Variants in PTPRK observed in about 807,000 individuals in gnomAD.
The protein encoded by PTPRK is receptor-type tyrosine-protein phosphatase kappa.
In PTPRK, 75 loss-of-function variants were observed where a neutral mutation model predicts 178.0. The ratio of observed to expected loss-of-function variants is 0.42; its 90% CI spans 0.35 to 0.51. PTPRK has a LOEUF of 0.51. PTPRK is among the 20% of genes least tolerant of loss of function. The pLI is 0.02. For missense variants in PTPRK, 1,441 were observed against 1,797.8 expected (o/e 0.80, Z 3.59); for synonymous variants, 637 against 620.6 (o/e 1.03, Z -0.39).
intron 3 of PTPRK, among the ~76,000 whole-genome samples, chr6:128,263,432 C>T (rs1397237415): frequency 2.0e-5 from 3 of 152,176 alleles, no homozygotes; most frequent in Middle Eastern, 3.4e-3. Flanking sequence ...GGTAGAAATG[C>T]TCTCACCATG....
rs565551093 is a variant in PTPRK at position 128,294,037 on chromosome 6, C to CT, written c.495+28001dup. ...TGATTCTTTTTTCTTTTAATCTTTG[C>CT]TTTTTTTATACTTCCCCATCTCCAT... On this transcript the variant is annotated intron_variant, in intron 3 of 29. Coordinates refer to ENST00000368226, the MANE Select transcript of PTPRK (RefSeq NM_002844.4). Among the ~76,000 whole-genome samples the CT allele has an allele frequency of 2.1e-3, 313 of 152,042 alleles. 2 individuals are homozygous for CT. The highest frequency in any genetic ancestry group is 6.9e-3 in the African/African-American group (288 of 41,522).
chr6:128,067,363 G>T, intron 12 of PTPRK, 156 bp downstream of exon 12: 1 of 715,296 alleles, frequency 1.4e-6, no homozygotes, highest in Non-Finnish European at 2.0e-6. Flanking sequence ...CCCTACTGTA[G>T]CCCCAAAACT....
In PTPRK at chr6:128,520,416, C is replaced by T; in HGVS notation, c.-58G>A. On this transcript the variant is annotated 5_prime_UTR_variant, in exon 1 of 30. Coordinates refer to ENST00000368226, the MANE Select transcript of PTPRK (RefSeq NM_002844.4). ...CAAAGAGCTGCCGGGGGGATCGCCG[C>T]GAAATCCACGACGGAGGAGCGGGCC... 4 of 1,510,494 alleles carry T rather than the reference C, an allele frequency of 2.6e-6. No individual in the cohort carries two copies. In the South Asian group the frequency reaches 4.8e-5, roughly 18 times the overall value. The allele number at this position is 1,510,494 out of a possible 1,614,324, so 93.6% of individuals were successfully genotyped here.
intron 13 of PTPRK, among the ~76,000 whole-genome samples, chr6:128,021,567 G>A (rs1270790271): frequency 2.6e-5 from 4 of 152,228 alleles, no homozygotes; most frequent in Non-Finnish European, 4.4e-5. Context: ...GTGAACCCGG[G>A]AGGCGGAGCT....
At chr6:128,335,803 G>T (rs1028903353) in intron 2 of PTPRK, among the ~76,000 whole-genome samples, 2 of 151,922 alleles carry the variant, frequency 1.3e-5, no homozygotes, top group African/African-American at 4.8e-5. Flanking sequence ...AAAAAAACCT[G>T]AAACCCTTGT....
chr6:128,374,837 A>G (rs1479668965), intron 2 of PTPRK, among the ~76,000 whole-genome samples: 1 of 151,996 alleles, frequency 6.6e-6, no homozygotes, highest in Non-Finnish European at 1.5e-5. Flanking sequence ...TCAGTCCCCT[A>G]TTACTACTCT....
At chr6:128,361,781 T>C (rs995417861) in intron 2 of PTPRK, among the ~76,000 whole-genome samples, 5 of 152,178 alleles carry the variant, frequency 3.3e-5, no homozygotes, top group Admixed American at 6.5e-5. Context: ...ACGCAGTCTA[T>C]CATTGACCAA....
rs1828109089 is a variant in PTPRK, at chr6:128,317,082, C to A, written c.495+4957G>T. 1.3e-5 allele frequency among the ~76,000 whole-genome samples: 2 copies of A among 152,040 alleles called. 1 individual carries two copies. Among genetic ancestry groups the A allele is most frequent in the Admixed American group, 1.3e-4 (2 of 15,240 alleles). On this transcript the variant is annotated intron_variant, in intron 3 of 29. Coordinates refer to ENST00000368226, the MANE Select transcript of PTPRK (RefSeq NM_002844.4). ...GCCACGATGACCGTGTTAGGTAAATCCTGTTGCCGTAACTAAAATAAGTCT... is the reference window on the plus strand; with the variant it reads ...GCCACGATGACCGTGTTAGGTAAATACTGTTGCCGTAACTAAAATAAGTCT...
intron 21 of PTPRK, 105 bp downstream of exon 21, chr6:127,990,664 G>A: frequency 1.4e-6 from 1 of 711,890 alleles, no homozygotes; most frequent in Non-Finnish European, 2.4e-6. Context: ...ATGAATACAT[G>A]AATGAATGGA....
At chr6:128,343,214 A>G (rs1443029013) in intron 2 of PTPRK, among the ~76,000 whole-genome samples, 2 of 152,134 alleles carry the variant, frequency 1.3e-5, no homozygotes, top group African/African-American at 2.4e-5. Context: ...GAAAATAAAA[A>G]AGAATCAGCC....
At chr6:128,487,557 C>A (rs1268323077) in intron 1 of PTPRK, among the ~76,000 whole-genome samples, 1 of 151,926 alleles carries the variant, frequency 6.6e-6, no homozygotes, top group Non-Finnish European at 1.5e-5. Context: ...CCTAAAGAGC[C>A]TCATTCCAGG....
At chr6:128,307,128 A>C (rs956600818) in intron 3 of PTPRK, among the ~76,000 whole-genome samples, 5 of 149,822 alleles carry the variant, frequency 3.3e-5, no homozygotes, top group Admixed American at 1.3e-4. Context: ...TCTAGCAGGC[A>C]GATAGAAGGC....
chr6:128,153,979 T>C (rs1443035351), intron 7 of PTPRK, among the ~76,000 whole-genome samples: 1 of 151,788 alleles, frequency 6.6e-6, no homozygotes, highest in Non-Finnish European at 1.5e-5. Context: ...ATACTGTCAA[T>C]AATAATGATG....
At chr6:128,189,366 A>G (rs1803355961) in intron 6 of PTPRK, among the ~76,000 whole-genome samples, 1 of 150,418 alleles carries the variant, frequency 6.6e-6, no homozygotes, top group South Asian at 2.1e-4. Flanking sequence ...CAGCCTCCCA[A>G]ATAGCCGGGA....
chr6:128,231,887 A>G (rs1351050585), intron 5 of PTPRK, among the ~76,000 whole-genome samples: 1 of 152,214 alleles, frequency 6.6e-6, no homozygotes, highest in African/African-American at 2.4e-5. Context: ...CTCAAATTCT[A>G]TAAAATGGTG....
chr6:128,500,364 G>C (rs1004101702), intron 1 of PTPRK, among the ~76,000 whole-genome samples: 3 of 129,580 alleles, frequency 2.3e-5, no homozygotes, highest in South Asian at 2.2e-4. Flanking sequence ...CTGAAAATTT[G>C]GGGGGGGGAG....
At chr6:128,355,047 T>A (rs907650715) in intron 2 of PTPRK, among the ~76,000 whole-genome samples, 8 of 152,224 alleles carry the variant, frequency 5.3e-5, no homozygotes, top group African/African-American at 1.9e-4. Context: ...TACAATTATA[T>A]TCACAGAAAC....
At position 128,520,407 on chromosome 6, in the gene PTPRK, G is replaced by A. The variant is rs1468916762; in HGVS notation, c.-49C>T. 2.6e-6 allele frequency: 4 copies of A among 1,538,348 alleles called. No homozygotes were observed. On this transcript the variant is annotated 5_prime_UTR_variant, in exon 1 of 30. Transcript: ENST00000368226. ...GCAGCTTTGCAAAGAGCTGCCGGGG[G>A]GATCGCCGCGAAATCCACGACGGAG...
intron 3 of PTPRK, among the ~76,000 whole-genome samples, chr6:128,256,474 C>T (rs1456898969): frequency 6.7e-6 from 1 of 148,844 alleles, no homozygotes; most frequent in Non-Finnish European, 1.5e-5. Context: ...GATGGAGTCT[C>T]GTTCTGTTGC....
Sources: allele counts gnomAD v4.1 joint callset (sites outside exome capture counted in the v4.1 genomes callset), GRCh38; gene constraint gnomAD v4.1.1; transcripts MANE v1.5; gene names NCBI Gene and HGNC (gene_info 2026-07-23, HGNC 2026-07-21).